TTLL6: variants seen among roughly 807,000 people sequenced by gnomAD.
TTLL6 encodes the protein tubulin tyrosine ligase like 6, also known as tubulin polyglutamylase TTLL6.
Under a neutral mutation model 96.4 loss-of-function variants are expected in TTLL6, and 75 were observed. The observed-to-expected ratio is 0.78, with a 90% CI of 0.65 to 0.94. TTLL6 has a LOEUF of 0.94. Ranked by LOEUF, TTLL6 falls within the 40% of genes least tolerant of loss-of-function variation. The probability of loss-of-function intolerance (pLI) is 0.00; values close to 1 mark genes in which losing one functional copy is unlikely to be tolerated. For missense variants in TTLL6, 1,030 were observed against 1,093.0 expected (o/e 0.94, Z 0.81); for synonymous variants, 411 against 419.4 (o/e 0.98, Z 0.24).
chr17:48,796,027 G>A (rs1475131800), intron 8 of TTLL6, 34 bp downstream of exon 8: 11 of 1,521,982 alleles, frequency 7.2e-6, no homozygotes, highest in Non-Finnish European at 9.8e-6. Context: ...GAGGTTGGTA[G>A]GGAAAGGAAA....
chr17:48,786,365 G>C (rs1453318306), intron 11 of TTLL6, 30 bp from the exon 12 acceptor site: 3 of 1,614,022 alleles, frequency 1.9e-6, no homozygotes, highest in Non-Finnish European at 2.5e-6. Flanking sequence ...GAACATCATG[G>C]GGGTTAGAAA....
At chr17:48,774,098 A>C (rs1567716947) in intron 13 of TTLL6, among the ~76,000 whole-genome samples, 5 of 110,354 alleles carry the variant, frequency 4.5e-5, no homozygotes, top group African/African-American at 1.2e-4. Flanking sequence ...AAACAAAACA[A>C]AAAAAAAAAA....
chr17:48,775,520 CTATTATTAT>C (rs369248868), intron 13 of TTLL6, among the ~76,000 whole-genome samples: 40 of 143,260 alleles, frequency 2.8e-4, no homozygotes, highest in South Asian at 9.0e-4. Flanking sequence ...CAACATCCAT[CTATTATTAT>C]TATTATTATT....
chr17:48,787,119 G>A lies in TTLL6; in HGVS notation c.1589+692C>T, dbSNP rs532394628. 6.6e-5 allele frequency among the ~76,000 whole-genome samples: 10 copies of A among 152,120 alleles called. No homozygotes were observed. In the South Asian group the frequency reaches 1.2e-3, roughly 19 times the overall value. The stretch of plus-strand genomic sequence containing the variant: ...GCTGGGATTACAGGCGTGAGCCACC[G>A]CGCCTGGCCTGTCATCATCTTTATA... On this transcript the variant is annotated intron_variant, in intron 11 of 15. Coordinates refer to ENST00000393382, the MANE Select transcript of TTLL6 (RefSeq NM_001130918.3).
At chr17:48,780,662 G>A (rs755542504) in intron 13 of TTLL6, among the ~76,000 whole-genome samples, 27 of 151,916 alleles carry the variant, frequency 1.8e-4, no homozygotes, top group Admixed American at 3.9e-4. Flanking sequence ...CTCTCCCTCC[G>A]CCCAGTCCCT....
chr17:48,810,825 GTATATATA>G (rs1555569643), intron 1 of TTLL6, among the ~76,000 whole-genome samples: 53 of 84,340 alleles, frequency 6.3e-4, no homozygotes, highest in African/African-American at 1.9e-3. Flanking sequence ...GTATGTGTGT[GTATATATA>G]TATATATATA....
chr17:48,808,969 T>G lies in TTLL6; in HGVS notation c.104-3978A>C, dbSNP rs145240674. On this transcript the variant is annotated intron_variant, in intron 1 of 15. Coordinates refer to ENST00000393382, the MANE Select transcript of TTLL6 (RefSeq NM_001130918.3). ...TCTCTATTCCTTTCTAAATCCAAAT[T>G]TGGTGGTGTGGAGCCCTTAACTATG... Among the ~76,000 whole-genome samples, 980 of 152,236 alleles carry G rather than the reference T, an allele frequency of 6.4e-3. 12 individuals carry two copies. Among genetic ancestry groups the G allele is most frequent in the African/African-American group, 0.022 (896 of 41,538 alleles).
At chr17:48,808,507 G>A (rs540259762) in intron 1 of TTLL6, among the ~76,000 whole-genome samples, 1 of 152,130 alleles carries the variant, frequency 6.6e-6, no homozygotes, top group Non-Finnish European at 1.5e-5. Context: ...AACAAGAGCA[G>A]GCTCACCAGA....
chr17:48,769,066 T>C lies in TTLL6; in HGVS notation c.2599A>G (p.Arg867Gly). The change falls in exon 15 of 16, where the codon AGG becomes GGG. Residue 867 changes from arginine to glycine, a missense_variant. Physicochemically the swap from Arg to Gly is moderately radical, Grantham distance 125. Coordinates refer to ENST00000393382, the MANE Select transcript of TTLL6 (RefSeq NM_001130918.3). ...RPCRSHASAMRDPCMQDQEAY... is the reference protein window; with the variant it reads ...RPCRSHASAMGDPCMQDQEAY... ...TCTTGATCCTGCATACATGGGTCCC[T>C]CATAGCACTTGCGTGGCTTCTACAA... The C allele has an allele frequency of 6.2e-7, 1 of 1,614,210 alleles. No individual in the cohort carries two copies. Among genetic ancestry groups the C allele is most frequent in the East Asian group, 2.2e-5 (1 of 44,880 alleles).
chr17:48,811,402 C>T (rs894222282), intron 1 of TTLL6, among the ~76,000 whole-genome samples: 2 of 151,894 alleles, frequency 1.3e-5, no homozygotes, highest in African/African-American at 4.8e-5. Flanking sequence ...AGCATTGAGA[C>T]ATCTCTTTTT....
At chr17:48,768,898 C>A in intron 15 of TTLL6, 91 bp downstream of exon 15, 1 of 1,329,564 alleles carries the variant, frequency 7.5e-7, no homozygotes, top group Non-Finnish European at 1.1e-6. Flanking sequence ...CTTTATCAAT[C>A]CATCCATCCT....
chr17:48,789,054 G>A (rs1385765327), intron 10 of TTLL6, among the ~76,000 whole-genome samples: 1 of 151,350 alleles, frequency 6.6e-6, no homozygotes, highest in African/African-American at 2.4e-5. Context: ...ACAGGAAGCA[G>A]GAGACGTTAG....
At chr17:48,787,109 G>T (rs570064534) in intron 11 of TTLL6, among the ~76,000 whole-genome samples, 1 of 152,046 alleles carries the variant, frequency 6.6e-6, no homozygotes, top group Non-Finnish European at 1.5e-5. Context: ...GATTACAGGC[G>T]TGAGCCACCG....
chr17:48,810,084 A>G (rs2039557203), intron 1 of TTLL6, among the ~76,000 whole-genome samples: 1 of 147,758 alleles, frequency 6.8e-6, no homozygotes, highest in Admixed American at 6.9e-5. Flanking sequence ...GATTGCGGTG[A>G]GCCGAGATCA....
At chr17:48,768,193 C>T (rs955720886) in intron 15 of TTLL6, among the ~76,000 whole-genome samples, 1 of 151,734 alleles carries the variant, frequency 6.6e-6, no homozygotes, top group East Asian at 1.9e-4. Flanking sequence ...GCTCTGGGCT[C>T]AATCAATCCT....
rs905047816 is a variant in TTLL6 at position 48,794,346 on chromosome 17, C to T, written c.998+1715G>A. 191 of 1,574,948 alleles carry T rather than the reference C, an allele frequency of 1.2e-4. No individual in the cohort carries two copies. In the African/African-American group the frequency reaches 2.2e-3, roughly 18 times the overall value. ...GACTAAGGAAAAATGACAGTAACCA[C>T]GCACACTGTCTGTGTTGCCATCACA... On this transcript the variant is annotated intron_variant, in intron 8 of 15. Transcript: ENST00000393382.
At chr17:48,767,475 G>A (rs1238426731) in intron 15 of TTLL6, among the ~76,000 whole-genome samples, 1 of 120,866 alleles carries the variant, frequency 8.3e-6, no homozygotes, top group Non-Finnish European at 1.8e-5. Context: ...GAATTTCTGG[G>A]AGAAGGCCCT....
Position 48,786,250 on chromosome 17 carries a change from C to T in TTLL6, c.1675G>A (p.Gly559Ser), listed in dbSNP as rs866843587. The T allele has an allele frequency of 1.2e-6, 2 of 1,614,240 alleles. No individual in the cohort carries two copies. Among genetic ancestry groups the T allele is most frequent in the African/African-American group, 1.3e-5 (1 of 75,048 alleles). The change falls in exon 12 of 16, where the codon GGC becomes AGC. Residue 559 changes from glycine (G) to serine (S), a missense_variant. Physicochemically the swap from Gly to Ser is moderately conservative, Grantham distance 56. Transcript: ENST00000393382. ...ATGCCCTTCTTTCTCACTTGCTCGC[C>T]TGCCGATTCCCCCTGCATCTCTACC... ...KKVEMQGESA[G>S]EQVRKKGMRG... is the part of the protein sequence containing the mutation.
intron 13 of TTLL6, among the ~76,000 whole-genome samples, chr17:48,776,267 C>A (rs2038868214): frequency 1.3e-5 from 2 of 152,072 alleles, no homozygotes; most frequent in African/African-American, 4.8e-5. Context: ...GAGATCGAGA[C>A]CATCCTGGCC....
Sources: allele counts gnomAD v4.1 joint callset (sites outside exome capture counted in the v4.1 genomes callset), GRCh38; gene constraint gnomAD v4.1.1; transcripts MANE v1.5; gene names NCBI Gene and HGNC (gene_info 2026-07-23, HGNC 2026-07-21).